Variants in CAMK2D observed in about 807,000 individuals in gnomAD.
The protein encoded by CAMK2D is calcium/calmodulin-dependent protein kinase type II subunit delta.
CAMK2D carries 37 observed loss-of-function variants against 84.0 expected under a neutral mutation model. That is an observed-to-expected ratio of 0.44 (90% CI 0.34 to 0.58). The LOEUF (loss-of-function observed/expected upper bound fraction) is 0.58. Ranked by LOEUF, CAMK2D falls within the 20% of genes least tolerant of loss-of-function variation. The pLI, the probability that CAMK2D is intolerant of heterozygous loss-of-function variation, is 0.02. For synonymous variants in CAMK2D, 202 were observed against 212.5 expected, an observed-to-expected ratio of 0.95 and a Z score of 0.43; for missense variants, 448 against 652.5, an observed-to-expected ratio of 0.69 and a Z score of 3.41.
At chr4:113,684,090 A>G (rs1451439297) in intron 2 of CAMK2D, among the ~76,000 whole-genome samples, 1 of 152,240 alleles carries the variant, frequency 6.6e-6, no homozygotes, top group Admixed American at 6.5e-5. Flanking sequence ...TATAGGAAGC[A>G]AGACAAAACT....
Position 113,509,673 on chromosome 4 carries a change from C to T in CAMK2D, c.949G>A (p.Ala317Thr). 6.2e-7 allele frequency: 1 copy of T among 1,607,756 alleles called. No individual in the cohort carries two copies. The highest frequency in any genetic ancestry group is 8.5e-7 in the Non-Finnish European group (1 of 1,174,218). ...TCTGGTTTCTTCAACAAACTCTTGG[C>T]TGCTGTAAAATGAGAGTAAAATCAG... is the stretch of plus-strand genomic sequence containing the variant. ...TMLATRNFSA[A>T]KSLLKKPDGV... The change falls in exon 13 of 21, where the codon GCC (alanine) becomes ACC (threonine). Residue 317 changes from alanine (A) to threonine (T), a missense_variant and splice_region_variant. This residue lies in a region of CAMK2D where 219 missense variants were observed against 272.1 expected (regional missense o/e 0.80). Coordinates refer to ENST00000511664, the MANE Select transcript of CAMK2D (RefSeq NM_001321571.2).
intron 2 of CAMK2D, among the ~76,000 whole-genome samples, chr4:113,689,887 C>T (rs1343077234): frequency 1.3e-5 from 2 of 152,176 alleles, no homozygotes; most frequent in African/African-American, 4.8e-5. Context: ...AGGCAGGGAA[C>T]ACGTTGTCTT....
At chr4:113,519,337 T>G (rs2098327538) in intron 8 of CAMK2D, among the ~76,000 whole-genome samples, 1 of 152,250 alleles carries the variant, frequency 6.6e-6, no homozygotes, top group African/African-American at 2.4e-5. Flanking sequence ...TGACAGTTGA[T>G]GTGGTGCTTC....
chr4:113,621,851 C>T (rs2099047568), intron 3 of CAMK2D, among the ~76,000 whole-genome samples: 1 of 152,176 alleles, frequency 6.6e-6, no homozygotes, highest in Non-Finnish European at 1.5e-5. Context: ...TTACAGTCTT[C>T]TCATTATCCA....
At chr4:113,751,587 TG>T (rs972216952) in intron 2 of CAMK2D, among the ~76,000 whole-genome samples, 59 of 152,172 alleles carry the variant, frequency 3.9e-4, no homozygotes, top group African/African-American at 1.3e-3. Context: ...CTGACCAACA[TG>T]GTGAAATCCT....
At chr4:113,672,821 G>GA (rs1467898186) in intron 2 of CAMK2D, among the ~76,000 whole-genome samples, 1 of 151,104 alleles carries the variant, frequency 6.6e-6, no homozygotes, top group African/African-American at 2.4e-5. Context: ...CCACCTAAAT[G>GA]AAAAAAAATA....
At chr4:113,543,760 T>C (rs1427897967) in intron 6 of CAMK2D, among the ~76,000 whole-genome samples, 5 of 148,004 alleles carry the variant, frequency 3.4e-5, no homozygotes, top group African/African-American at 1.3e-4. Context: ...AATCTATCTA[T>C]CTATCAAGTT....
intron 16 of CAMK2D, among the ~76,000 whole-genome samples, chr4:113,470,691 C>T (rs548543029): frequency 1.3e-5 from 2 of 151,848 alleles, no homozygotes; most frequent in Non-Finnish European, 2.9e-5. Flanking sequence ...AGGTCAGGTC[C>T]CCGCGATGTT....
chr4:113,761,025 T>G lies in CAMK2D; in HGVS notation c.44A>C (p.Gln15Pro). Residue 15 changes from glutamine (Q) to proline (P), a missense_variant, in exon 1 of 21, where the codon CAG (glutamine) becomes CCG (proline). By Grantham distance (76) the Gln-to-Pro change is moderately conservative. Around this residue, in one of 7 missense-constraint regions of CAMK2D, gnomAD observed 44 missense variants for 45.6 expected, o/e 0.96. Coordinates refer to ENST00000511664, the MANE Select transcript of CAMK2D (RefSeq NM_001321571.2). The part of the protein sequence containing the change: ...TTCTRFTDEY[Q>P]LFEELGKGAF... ...TTACTTTCCAAGCTCCTCGAAAAGC[T>G]GATACTCGTCCGTGAACCTGGTGCA... The G allele has an allele frequency of 6.2e-7, 1 of 1,614,192 alleles. No homozygotes were observed. Among genetic ancestry groups the G allele is most frequent in the Non-Finnish European group, 8.5e-7 (1 of 1,180,022 alleles).
chr4:113,462,338 GTCTATCTATCTA>G (rs1215010791), intron 17 of CAMK2D, among the ~76,000 whole-genome samples: 1 of 130,448 alleles, frequency 7.7e-6, no homozygotes, highest in African/African-American at 3.0e-5. Flanking sequence ...CTGTCTGTCT[GTCTATCTATCTA>G]TCTATCTATC....
chr4:113,677,037 C>T (rs2099321258), intron 2 of CAMK2D, among the ~76,000 whole-genome samples: 1 of 152,174 alleles, frequency 6.6e-6, no homozygotes, highest in Admixed American at 6.6e-5. Context: ...TTCAGCCTCA[C>T]TCCCCTACAC....
intron 2 of CAMK2D, among the ~76,000 whole-genome samples, chr4:113,731,174 A>T (rs2099568043): frequency 6.6e-6 from 1 of 152,214 alleles, no homozygotes; most frequent in South Asian, 2.1e-4. Context: ...AACACCAAAA[A>T]GCAAAGACAT....
intron 4 of CAMK2D, among the ~76,000 whole-genome samples, chr4:113,603,193 CT>C (rs1040252108): frequency 2.7e-4 from 41 of 152,130 alleles, no homozygotes; most frequent in African/African-American, 9.4e-4. Flanking sequence ...GTAAAGATGA[CT>C]TTGCGTTATT....
rs765272418 is a variant in CAMK2D, at chr4:113,547,722, T to C, written c.342-6A>G. 1.2e-5 allele frequency: 18 copies of C among 1,540,650 alleles called. No individual in the cohort carries two copies. Among genetic ancestry groups the C allele is most frequent in the African/African-American group, 1.4e-5 (1 of 73,540 alleles). ...GGATCTGCTGAATGCAATGACTGCA[T>C]GCAAACACCAGGGGGCGTGTGTTAG... On this transcript the variant is annotated splice_region_variant and splice_polypyrimidine_tract_variant and intron_variant, in intron 5 of 20. Transcript: ENST00000511664.
At chr4:113,522,663 C>G (rs1226464626) in intron 8 of CAMK2D, among the ~76,000 whole-genome samples, 2 of 152,172 alleles carry the variant, frequency 1.3e-5, no homozygotes, top group Non-Finnish European at 2.9e-5. Flanking sequence ...CAGCTGTGTT[C>G]ATGTGTCTGA....
chr4:113,722,398 T>G lies in CAMK2D; in HGVS notation c.160+36922A>C, dbSNP rs1305797885. ...CTGAAAATCTAATCTAATCAAAAAT[T>G]ATTGCTGGGTCTCAAAAATGCTCCT... On this transcript the variant is annotated intron_variant, in intron 2 of 20. Coordinates refer to ENST00000511664, the MANE Select transcript of CAMK2D (RefSeq NM_001321571.2). Among the ~76,000 whole-genome samples the G allele has an allele frequency of 2.0e-5, 3 of 152,090 alleles. No homozygotes were observed. In the South Asian group the frequency reaches 6.2e-4, roughly 32 times the overall value.
intron 3 of CAMK2D, among the ~76,000 whole-genome samples, chr4:113,658,391 T>A (rs1005971051): frequency 6.6e-6 from 1 of 152,206 alleles, no homozygotes; most frequent in African/African-American, 2.4e-5. Context: ...ATTGGTTCCC[T>A]CTGCCTACAA....
intron 3 of CAMK2D, among the ~76,000 whole-genome samples, chr4:113,650,887 A>G (rs1467615598): frequency 6.6e-6 from 1 of 152,240 alleles, no homozygotes; most frequent in Non-Finnish European, 1.5e-5. Flanking sequence ...AAGAAAAGAC[A>G]TCCTACACTT....
chr4:113,720,961 C>T (rs2099528985), intron 2 of CAMK2D, among the ~76,000 whole-genome samples: 1 of 151,968 alleles, frequency 6.6e-6, no homozygotes, highest in South Asian at 2.1e-4. Flanking sequence ...TCTCCAGAAA[C>T]AAATGTTAAG....
Sources: allele counts gnomAD v4.1 joint callset (sites outside exome capture counted in the v4.1 genomes callset), GRCh38; gene constraint gnomAD v4.1.1; regional missense constraint gnomAD v4.1.1; transcripts MANE v1.5; gene names NCBI Gene and HGNC (gene_info 2026-07-23, HGNC 2026-07-21).